CELF2: variants seen among roughly 807,000 people sequenced by gnomAD.
CELF2 encodes the protein CUGBP Elav-like family member 2.
A neutral mutation model predicts 62.6 loss-of-function variants in CELF2; 8 were observed. The observed-to-expected ratio is 0.13, with a 90% CI of 0.07 to 0.23. CELF2 has a LOEUF of 0.23. Among genes scored for constraint, CELF2 ranks in the 10% least tolerant of loss-of-function variants. The pLI is 1.00. For synonymous variants in CELF2, 258 were observed against 250.0 expected, an observed-to-expected ratio of 1.03 and a Z score of -0.30; for missense variants, 333 against 671.0, an observed-to-expected ratio of 0.50 and a Z score of 5.56.
intron 2 of CELF2, among the ~76,000 whole-genome samples, chr10:11,189,901 C>G (rs2075902475): frequency 6.6e-6 from 1 of 152,194 alleles, no homozygotes; most frequent in Non-Finnish European, 1.5e-5. Context: ...CCATTCTGTT[C>G]TTTCTCCTCT....
At chr10:10,550,012 G>A in the CELF2 span, among the ~76,000 whole-genome samples, 7 of 152,230 alleles carry the variant, frequency 4.6e-5, no homozygotes, top group South Asian at 6.2e-4. Flanking sequence ...TGAACAGTGC[G>A]GGAGTTAAGG....
the CELF2 span, among the ~76,000 whole-genome samples, chr10:10,679,355 T>A: frequency 2.0e-5 from 3 of 152,210 alleles, no homozygotes; most frequent in Non-Finnish European, 4.4e-5. Context: ...AATGATGTGA[T>A]CTCGGCTCAC....
rs894960844 is a variant in CELF2, at chr10:11,267,594, A to G, written c.618+917A>G. Reference sequence around the variant, plus strand: ...CTGTGTTTTCATATTTTGAAAAAAGATATTTTCAATTTTATTTAATATGCA... The same window carrying G: ...CTGTGTTTTCATATTTTGAAAAAAGGTATTTTCAATTTTATTTAATATGCA... On this transcript the variant is annotated intron_variant, in intron 6 of 12. Transcript: ENST00000633077. The surrounding 1 kb of genome is among the most constrained non-coding windows in gnomAD (Gnocchi z 4.4). 2.0e-5 allele frequency among the ~76,000 whole-genome samples: 3 copies of G among 152,202 alleles called. No homozygotes were observed. The highest frequency in any genetic ancestry group is 7.2e-5 in the African/African-American group (3 of 41,440).
chr10:11,116,934 A>G (rs780134446), intron 1 of CELF2, among the ~76,000 whole-genome samples: 2 of 152,214 alleles, frequency 1.3e-5, no homozygotes, highest in Admixed American at 6.5e-5. Flanking sequence ...TTTAATCCAC[A>G]TGACAGTCAT....
the CELF2 span, among the ~76,000 whole-genome samples, chr10:10,736,400 T>TTTC: frequency 7.0e-5 from 4 of 57,206 alleles, no homozygotes; most frequent in African/African-American, 3.8e-4. Flanking sequence ...TTCTTTCTTT[T>TTTC]TTTTTTTTTT....
intron 1 of CELF2, among the ~76,000 whole-genome samples, chr10:10,877,816 C>A (rs1357893086): frequency 6.6e-6 from 1 of 152,158 alleles, no homozygotes; most frequent in Non-Finnish European, 1.5e-5. Context: ...TTCTTCCTTC[C>A]TTTATTTATT....
At chr10:10,758,548 A>C in the CELF2 span, among the ~76,000 whole-genome samples, 1 of 151,384 alleles carries the variant, frequency 6.6e-6, no homozygotes, top group African/African-American at 2.4e-5. Flanking sequence ...TTGGTGTCCC[A>C]TTACAGAGCC....
At chr10:11,273,357 C>T (rs1444404313) in intron 7 of CELF2, among the ~76,000 whole-genome samples, 1 of 152,156 alleles carries the variant, frequency 6.6e-6, no homozygotes, top group African/African-American at 2.4e-5. Flanking sequence ...CCTAGGAGCA[C>T]GAACCTGGTC....
intron 1 of CELF2, among the ~76,000 whole-genome samples, chr10:11,063,539 A>C (rs760981543): frequency 9.2e-5 from 14 of 152,228 alleles, no homozygotes; most frequent in Non-Finnish European, 2.1e-4. Flanking sequence ...TTTTAAGTTA[A>C]AGCATCATAA....
the CELF2 span, among the ~76,000 whole-genome samples, chr10:10,682,897 G>T: frequency 6.6e-6 from 1 of 152,094 alleles, no homozygotes; most frequent in East Asian, 1.9e-4. Context: ...GAATTCTATG[G>T]GTCTGTTTTG....
At chr10:11,284,811 T>G (rs2090615406) in intron 8 of CELF2, among the ~76,000 whole-genome samples, 1 of 143,934 alleles carries the variant, frequency 6.9e-6, no homozygotes, top group African/African-American at 2.6e-5. Flanking sequence ...GGGCGGATGA[T>G]GGATGGATGG....
the CELF2 span, among the ~76,000 whole-genome samples, chr10:10,569,084 GA>G: frequency 2.6e-5 from 4 of 152,188 alleles, no homozygotes; most frequent in Non-Finnish European, 5.9e-5. Flanking sequence ...GGCAGTGGAA[GA>G]AAGGGGGCTG....
intron 1 of CELF2, among the ~76,000 whole-genome samples, chr10:10,892,549 G>T (rs943041207): frequency 4.6e-5 from 7 of 152,188 alleles, no homozygotes; most frequent in Non-Finnish European, 1.0e-4. Flanking sequence ...TCTAGAAATA[G>T]AAATCTCCGT....
chr10:11,262,940 C>CTTTTTTTTTTTTTTTGTTTTTT (rs2081128585), intron 5 of CELF2, among the ~76,000 whole-genome samples: 1 of 52,766 alleles, frequency 1.9e-5, no homozygotes, highest in Non-Finnish European at 3.3e-5. Context: ...AGTGGCTTTA[C>CTTTTTTTTTTTTTTTGTTTTTT]TTTTTTTTTT....
Position 11,220,416 on chromosome 10 carries a change from G to C in CELF2, c.354+2909G>C, listed in dbSNP as rs1196829366. On this transcript the variant is annotated intron_variant, in intron 3 of 12. Coordinates refer to ENST00000633077, the MANE Select transcript of CELF2 (RefSeq NM_001326342.2). This position sits in a 1 kb window ranked among gnomAD's most constrained non-coding sequence, Gnocchi z 4.4. Reference sequence around the variant, plus strand: ...CAGAAACAAGTTGATAGGATGGTCTGTTGTGCAATCAAATGTGTCTGCCAT... The same window carrying C: ...CAGAAACAAGTTGATAGGATGGTCTCTTGTGCAATCAAATGTGTCTGCCAT... 6.6e-6 allele frequency among the ~76,000 whole-genome samples: 1 copy of C among 152,206 alleles called. No homozygotes were observed. Among genetic ancestry groups the C allele is most frequent in the Non-Finnish European group, 1.5e-5 (1 of 68,036 alleles).
rs1383795070 is a variant in CELF2, at chr10:11,100,512, CACTTTCATTTCCTAGAGGGTAT to C, written c.75-64971_75-64950del. On this transcript the variant is annotated intron_variant, in intron 1 of 12. Transcript: ENST00000633077. ...GTTCCTAATAAATATGAATGGAACT[CACTTTCATTTCCTAGAGGGTAT>C]ACCCTCTAGGAAATGAAAAGGGAAC... is the stretch of plus-strand genomic sequence containing the variant. 7.9e-5 allele frequency among the ~76,000 whole-genome samples: 12 copies of C among 151,662 alleles called. No individual in the cohort carries two copies. In the South Asian group the frequency reaches 2.5e-3, roughly 32 times the overall value.
At chr10:10,980,208 C>T (rs964789678) in intron 2 of CELF2, among the ~76,000 whole-genome samples, 2 of 152,192 alleles carry the variant, frequency 1.3e-5, no homozygotes, top group Admixed American at 6.5e-5. Flanking sequence ...GCCTTGGCTT[C>T]GTTTTCTTTT....
intron 2 of CELF2, among the ~76,000 whole-genome samples, chr10:10,941,952 G>A (rs2047095623): frequency 6.9e-6 from 1 of 144,040 alleles, no homozygotes; most frequent in South Asian, 2.2e-4. Context: ...CGAGATCACA[G>A]CACTTCACTC....
At chr10:10,967,636 A>G (rs531119540) in intron 2 of CELF2, among the ~76,000 whole-genome samples, 1 of 152,298 alleles carries the variant, frequency 6.6e-6, no homozygotes, top group South Asian at 2.1e-4. Context: ...TAAGAAACAT[A>G]CAGCAAGGCT....
Sources: allele counts gnomAD v4.1 joint callset (sites outside exome capture counted in the v4.1 genomes callset), GRCh38; gene constraint gnomAD v4.1.1; non-coding constraint Gnocchi (gnomAD v3.1); transcripts MANE v1.5; gene names NCBI Gene and HGNC (gene_info 2026-07-23, HGNC 2026-07-21).